Variants in SFMBT2 observed in about 807,000 individuals in gnomAD.
SFMBT2 encodes the protein scm-like with four MBT domains protein 2.
Under a neutral mutation model 110.1 loss-of-function variants are expected in SFMBT2, and 38 were observed. The observed-to-expected ratio is 0.35, with a 90% CI of 0.27 to 0.45. The LOEUF (loss-of-function observed/expected upper bound fraction) is 0.45, where lower values mean the gene tolerates loss of function less well. Ranked by LOEUF, SFMBT2 falls within the 20% of genes least tolerant of loss-of-function variation. The pLI, the probability that SFMBT2 is intolerant of heterozygous loss-of-function variation, is 1.00. For missense variants in SFMBT2, 1,011 were observed against 1,094.9 expected (o/e 0.92, Z 1.08); for synonymous variants, 425 against 425.4 (o/e 1.00, Z 0.01).
At chr10:7,315,024 G>A (rs923761836) in intron 4 of SFMBT2, among the ~76,000 whole-genome samples, 122 of 117,392 alleles carry the variant, frequency 1.0e-3, no homozygotes, top group African/African-American at 3.8e-3. Flanking sequence ...AGAAAAGAGA[G>A]AGAAAGAAAG....
chr10:7,350,119 G>A (rs1442402826), intron 4 of SFMBT2, among the ~76,000 whole-genome samples: 1 of 152,046 alleles, frequency 6.6e-6, no homozygotes, highest in Non-Finnish European at 1.5e-5. Flanking sequence ...GCTAGGTCAT[G>A]GTGGCAAAGT....
intron 4 of SFMBT2, among the ~76,000 whole-genome samples, chr10:7,317,874 T>C (rs1445805474): frequency 1.3e-5 from 2 of 152,170 alleles, no homozygotes; most frequent in Non-Finnish European, 2.9e-5. Context: ...CAAAATTGTA[T>C]CTCTGGATGA....
chr10:7,339,242 T>C (rs950943624), intron 4 of SFMBT2, among the ~76,000 whole-genome samples: 1 of 152,076 alleles, frequency 6.6e-6, no homozygotes, highest in African/African-American at 2.4e-5. Flanking sequence ...TCCATCTCGA[T>C]GAATAAATAA....
In SFMBT2 at chr10:7,281,474, C is replaced by A. The variant is rs78616431; in HGVS notation, c.772+2430G>T. Among the ~76,000 whole-genome samples, 1,345 of 152,188 alleles carry A rather than the reference C, an allele frequency of 8.8e-3. 15 individuals carry two copies. Among genetic ancestry groups the A allele is most frequent in the African/African-American group, 0.031 (1,272 of 41,506 alleles). ...GTGTTTGGGAAAACGAGAAAATCGG[C>A]CTAGTATTTTCTATGCAGGTATGAA... is the stretch of plus-strand genomic sequence containing the variant. On this transcript the variant is annotated intron_variant, in intron 6 of 20. Coordinates refer to ENST00000397167, the MANE Select transcript of SFMBT2 (RefSeq NM_001387889.1).
Position 7,367,573 on chromosome 10 carries a change from C to G in SFMBT2, c.436+76G>C. On this transcript the variant is annotated intron_variant, in intron 4 of 20. Coordinates refer to ENST00000397167, the MANE Select transcript of SFMBT2 (RefSeq NM_001387889.1). The surrounding 1 kb of genome is among the most constrained non-coding windows in gnomAD (Gnocchi z 6.2). ...CATTAGGGATTCTACGCAAGGTTCT[C>G]TCTGCTCCTTGCAAAATTACAGGCG... 6.4e-7 allele frequency: 1 copy of G among 1,553,954 alleles called. No individual in the cohort carries two copies.
At chr10:7,261,320 T>C (rs1841193317) in intron 7 of SFMBT2, among the ~76,000 whole-genome samples, 1 of 152,242 alleles carries the variant, frequency 6.6e-6, no homozygotes, top group African/African-American at 2.4e-5. Context: ...GAAAGGTTAA[T>C]GCATATTCCA....
At chr10:7,244,272 A>G (rs1178724281) in intron 8 of SFMBT2, 6 of 241,954 alleles carry the variant, frequency 2.5e-5, no homozygotes. Context: ...ATCAAAACAC[A>G]GTGCGTTTTC....
At chr10:7,387,131 G>A (rs1230144254) in intron 1 of SFMBT2, among the ~76,000 whole-genome samples, 1 of 152,146 alleles carries the variant, frequency 6.6e-6, no homozygotes, top group Non-Finnish European at 1.5e-5. Flanking sequence ...AACTAAACTA[G>A]GGAGTGGCAG....
intron 6 of SFMBT2, among the ~76,000 whole-genome samples, chr10:7,280,630 T>C (rs1841924764): frequency 6.6e-6 from 1 of 152,190 alleles, no homozygotes; most frequent in South Asian, 2.1e-4. Context: ...AAGACTCTGA[T>C]CACAGATTAA....
Position 7,309,279 on chromosome 10 carries a change from C to T in SFMBT2, c.437-23325G>A, listed in dbSNP as rs188649436. Among the ~76,000 whole-genome samples, 1,007 of 152,306 alleles carry T rather than the reference C, an allele frequency of 6.6e-3. 7 individuals are homozygous for T. The highest frequency in any genetic ancestry group is 0.044 in the Middle Eastern group (13 of 294). ...GTCGGTCTTTGTCACTGTTATGAAG[C>T]GGCTGTGTAAACATTTGTGGACTGA... On this transcript the variant is annotated intron_variant, in intron 4 of 20. Coordinates refer to ENST00000397167, the MANE Select transcript of SFMBT2 (RefSeq NM_001387889.1).
At chr10:7,339,501 T>C (rs1843824670) in intron 4 of SFMBT2, among the ~76,000 whole-genome samples, 1 of 152,260 alleles carries the variant, frequency 6.6e-6, no homozygotes, top group African/African-American at 2.4e-5. Flanking sequence ...ATAAAATTTC[T>C]TTCATCAGAA....
intron 1 of SFMBT2, among the ~76,000 whole-genome samples, chr10:7,406,739 A>G (rs1181849874): frequency 6.6e-6 from 1 of 152,246 alleles, no homozygotes; most frequent in Non-Finnish European, 1.5e-5. Flanking sequence ...ACTGAAACGC[A>G]TCTCCAGCAG....
At chr10:7,262,314 T>C (rs1224986228) in intron 7 of SFMBT2, among the ~76,000 whole-genome samples, 1 of 152,180 alleles carries the variant, frequency 6.6e-6, no homozygotes, top group East Asian at 1.9e-4. Context: ...CTTCTGTAGA[T>C]AAAAGAATTA....
intron 9 of SFMBT2, chr10:7,241,171 T>G: frequency 5.1e-6 from 1 of 196,304 alleles, no homozygotes; most frequent in Non-Finnish European, 9.2e-6. Context: ...TGCTCCTCAT[T>G]GCCTTCCACC....
intron 20 of SFMBT2, among the ~76,000 whole-genome samples, chr10:7,164,820 G>A (rs1329830353): frequency 6.6e-6 from 1 of 151,574 alleles, no homozygotes; most frequent in Non-Finnish European, 1.5e-5. Flanking sequence ...TCCCCAGAGC[G>A]AGGTGTCGCT....
intron 4 of SFMBT2, among the ~76,000 whole-genome samples, chr10:7,327,405 G>A (rs984898599): frequency 6.6e-6 from 1 of 152,056 alleles, no homozygotes; most frequent in African/African-American, 2.4e-5. Flanking sequence ...GGCAACTACT[G>A]ATCTAAAGTT....
chr10:7,279,709 A>C (rs1841894934), intron 6 of SFMBT2, among the ~76,000 whole-genome samples: 8 of 152,232 alleles, frequency 5.3e-5, no homozygotes, highest in Admixed American at 5.2e-4. Flanking sequence ...GAAGCCTACA[A>C]GAAAAACGAG....
chr10:7,206,548 TG>T, intron 11 of SFMBT2: 1 of 985,452 alleles, frequency 1.0e-6, no homozygotes, highest in Non-Finnish European at 1.2e-6. Context: ...GTTTGTGGCC[TG>T]TAGACTTTGG....
intron 9 of SFMBT2, among the ~76,000 whole-genome samples, chr10:7,228,725 TTCTTTCTTTCC>T (rs1279026527): frequency 5.5e-5 from 6 of 108,466 alleles, no homozygotes; most frequent in Non-Finnish European, 1.1e-4. Context: ...CTTTCTTTCT[TTCTTTCTTTCC>T]TTTCTCTCTC....
Sources: gnomAD v4.1 joint callset for allele counts (sites outside exome capture counted in the v4.1 genomes callset) on GRCh38, gnomAD v4.1.1 for gene constraint, Gnocchi (gnomAD v3.1) non-coding constraint, MANE v1.5 for transcripts, NCBI Gene and HGNC (gene_info 2026-07-23, HGNC 2026-07-21) for gene names.